Variants in NOVA1 observed in about 807,000 individuals in gnomAD.
NOVA1 encodes the protein NOVA alternative splicing regulator 1, also known as RNA-binding protein Nova-1.
Under a neutral mutation model 38.0 loss-of-function variants are expected in NOVA1, and 7 were observed. The ratio of observed to expected loss-of-function variants is 0.18; its 90% CI spans 0.10 to 0.35. NOVA1 has a LOEUF of 0.35. NOVA1 is among the 10% of genes least tolerant of loss of function. NOVA1 has a pLI of 1.00. For missense variants in NOVA1, 460 were observed against 616.0 expected (o/e 0.75, Z 2.68); for synonymous variants, 270 against 232.5 (o/e 1.16, Z -1.47).
chr14:26,551,569 T>C (rs1246480036), intron 2 of NOVA1, among the ~76,000 whole-genome samples: 2 of 152,090 alleles, frequency 1.3e-5, no homozygotes, highest in Non-Finnish European at 2.9e-5. Flanking sequence ...GATTCTGCAT[T>C]TCTCAAAAAG....
chr14:26,549,873 T>C (rs1295572823), intron 2 of NOVA1: 3 of 448,498 alleles, frequency 6.7e-6, no homozygotes, highest in Non-Finnish European at 1.3e-5. Flanking sequence ...TGTACATACA[T>C]ACAGGGATGA....
At chr14:26,596,884 C>CATTT in intron 1 of NOVA1, 1 of 1,162,840 alleles carries the variant, frequency 8.6e-7, no homozygotes, top group South Asian at 1.7e-5. Flanking sequence ...ACCCAAGTGC[C>CATTT]ATTTATTTAT....
chr14:26,510,352 ACTAT>A, intron 2 of NOVA1, among the ~76,000 whole-genome samples: 1 of 152,284 alleles, frequency 6.6e-6, no homozygotes, highest in East Asian at 1.9e-4. Context: ...AGAAGATAAA[ACTAT>A]CTATTGTTTC....
rs147835587 is a variant in NOVA1, at chr14:26,555,875, C to T, written c.280+39535G>A. Among the ~76,000 whole-genome samples, 4 of 152,182 alleles carry T rather than the reference C, an allele frequency of 2.6e-5. No homozygotes were observed. In the East Asian group the frequency reaches 5.8e-4, roughly 22 times the overall value. On this transcript the variant is annotated intron_variant, in intron 2 of 4. Coordinates refer to ENST00000539517, the MANE Select transcript of NOVA1 (RefSeq NM_002515.3). ...GGGCTAGTTCTAAGACTTATGTTAACGTTTCTTACAATTGTGCAAAAAGTG... is the reference window on the plus strand; with the variant it reads ...GGGCTAGTTCTAAGACTTATGTTAATGTTTCTTACAATTGTGCAAAAAGTG...
At chr14:26,562,781 C>T (rs1252497116) in intron 2 of NOVA1, among the ~76,000 whole-genome samples, 3 of 152,142 alleles carry the variant, frequency 2.0e-5, no homozygotes, top group Non-Finnish European at 2.9e-5. Flanking sequence ...CATAGGTTTA[C>T]TACCCTACTT....
chr14:26,494,863 G>A (rs959713301), intron 2 of NOVA1, among the ~76,000 whole-genome samples: 2 of 152,068 alleles, frequency 1.3e-5, no homozygotes, highest in Non-Finnish European at 2.9e-5. Context: ...TCCTCTCTCA[G>A]AATAATAGTT....
chr14:26,565,724 C>T (rs1381208711), intron 2 of NOVA1, among the ~76,000 whole-genome samples: 1 of 152,130 alleles, frequency 6.6e-6, no homozygotes, highest in Non-Finnish European at 1.5e-5. Flanking sequence ...AAATCACCAA[C>T]AAATGGATAA....
At chr14:26,539,792 T>A (rs1312997162) in intron 2 of NOVA1, among the ~76,000 whole-genome samples, 1 of 152,166 alleles carries the variant, frequency 6.6e-6, no homozygotes, top group Non-Finnish European at 1.5e-5. Context: ...CAGTCTGATA[T>A]GAATGACAGT....
Position 26,447,265 on chromosome 14 carries a change from C to T in NOVA1, c.*694G>A, listed in dbSNP as rs1401730809. The stretch of plus-strand genomic sequence containing the variant: ...TACAAACCTCTGAAGAGGTGGGACT[C>T]CATGTGAGAACTTTTGTTGAACTTA... On this transcript the variant is annotated 3_prime_UTR_variant, in exon 5 of 5. Transcript: ENST00000539517. 1 of 152,656 alleles carries T rather than the reference C, an allele frequency of 6.6e-6. No individual in the cohort carries two copies. The highest frequency in any genetic ancestry group is 1.5e-5 in the Non-Finnish European group (1 of 68,142). 9.5% of individuals were successfully genotyped at this position (152,656 alleles called of 1,614,324 possible).
At chr14:26,537,613 A>T (rs147741024) in intron 2 of NOVA1, among the ~76,000 whole-genome samples, 4 of 152,158 alleles carry the variant, frequency 2.6e-5, no homozygotes, top group Non-Finnish European at 5.9e-5. Context: ...TCCACTCCAC[A>T]ATATGTATTT....
chr14:26,507,946 C>T (rs1887766210), intron 2 of NOVA1, among the ~76,000 whole-genome samples: 1 of 151,790 alleles, frequency 6.6e-6, no homozygotes, highest in South Asian at 2.1e-4. Flanking sequence ...CAAATTCTGT[C>T]CTAAACAAGA....
chr14:26,455,654 T>C (rs1566434768), intron 4 of NOVA1, among the ~76,000 whole-genome samples: 1 of 151,678 alleles, frequency 6.6e-6, no homozygotes, highest in Non-Finnish European at 1.5e-5. Context: ...TTTAAAGATA[T>C]ACAACACTAT....
rs926271531 is a variant in NOVA1 at position 26,597,700 on chromosome 14, G to A, written c.-264C>T. On this transcript the variant is annotated 5_prime_UTR_variant, in exon 1 of 5. Coordinates refer to ENST00000539517, the MANE Select transcript of NOVA1 (RefSeq NM_002515.3). Reference sequence around the variant, plus strand: ...GGGAATGGAGGGGGTGTGAGAGACGGAGGGTGAAAGAAGAAGAAGAAAGGA... The same window carrying A: ...GGGAATGGAGGGGGTGTGAGAGACGAAGGGTGAAAGAAGAAGAAGAAAGGA... 5.2e-6 allele frequency: 6 copies of A among 1,146,634 alleles called. No homozygotes were observed. The African/African-American group carries it at 8.1e-5, about 15-fold the overall frequency. The allele number at this position is 1,146,634 out of a possible 1,614,324, so 71.0% of individuals were successfully genotyped here.
intron 2 of NOVA1, among the ~76,000 whole-genome samples, chr14:26,492,679 A>C (rs1262362163): frequency 1.3e-5 from 2 of 152,202 alleles, no homozygotes; most frequent in African/African-American, 4.8e-5. Flanking sequence ...TAGTTAAAAT[A>C]AATAGCGGCT....
At chr14:26,457,909 C>G (rs1883315302) in intron 4 of NOVA1, among the ~76,000 whole-genome samples, 1 of 151,850 alleles carries the variant, frequency 6.6e-6, no homozygotes, top group African/African-American at 2.4e-5. Context: ...TAATGTGTGT[C>G]TTAGTTTTTG....
intron 4 of NOVA1, among the ~76,000 whole-genome samples, chr14:26,467,526 G>A (rs1014133224): frequency 1.3e-5 from 2 of 152,154 alleles, no homozygotes; most frequent in African/African-American, 4.8e-5. Flanking sequence ...GGTGGGGGAA[G>A]TGACATTAAG....
At chr14:26,576,142 T>C (rs900335612) in intron 2 of NOVA1, among the ~76,000 whole-genome samples, 1 of 151,920 alleles carries the variant, frequency 6.6e-6, no homozygotes, top group Admixed American at 6.6e-5. Context: ...TATATACTTA[T>C]CATCTACAAT....
Position 26,480,047 on chromosome 14 carries a change from T to G in NOVA1, c.377A>C (p.Asn126Thr), listed in dbSNP as rs1885329114. The part of the protein sequence containing the change: ...IAEKIREMPQ[N>T]VAKTEPVSIL... ...GCTGACTGGTTCTGTCTTGGCCACA[T>G]TTTGGGGCATTTCTCGAATTTTTTC... Residue 126 changes from asparagine (N) to threonine (T), a missense_variant, in exon 3 of 5, where the codon AAT becomes ACT. By Grantham distance (65) the Asn-to-Thr change is moderately conservative. Transcript: ENST00000539517. 6.2e-6 allele frequency: 10 copies of G among 1,614,094 alleles called. No homozygotes were observed. The highest frequency in any genetic ancestry group is 8.5e-6 in the Non-Finnish European group (10 of 1,179,988).
intron 2 of NOVA1, among the ~76,000 whole-genome samples, chr14:26,508,441 T>A (rs1317112728): frequency 6.6e-6 from 1 of 152,004 alleles, no homozygotes; most frequent in Non-Finnish European, 1.5e-5. Flanking sequence ...TGAATAATAA[T>A]GTTTATAATT....
Sources: allele counts gnomAD v4.1 joint callset (sites outside exome capture counted in the v4.1 genomes callset), GRCh38; gene constraint gnomAD v4.1.1; transcripts MANE v1.5; gene names NCBI Gene and HGNC (gene_info 2026-07-23, HGNC 2026-07-21).